Variants in NPR3 observed in about 807,000 individuals in gnomAD.
The protein encoded by NPR3 is natriuretic peptide receptor 3.
In NPR3, 34 loss-of-function variants were observed where a neutral mutation model predicts 54.5. That is an observed-to-expected ratio of 0.62 (90% CI 0.47 to 0.83). The LOEUF (loss-of-function observed/expected upper bound fraction) is 0.83. Among genes scored for constraint, NPR3 ranks in the 40% least tolerant of loss-of-function variants. NPR3 has a pLI of 0.00. For missense variants in NPR3, 674 were observed against 720.8 expected (o/e 0.94, Z 0.74); for synonymous variants, 289 against 297.1 (o/e 0.97, Z 0.28).
Position 32,712,379 on chromosome 5 carries a change from A to G in NPR3, c.603A>G (p.Ala201=), listed in dbSNP as rs536801135. ...GCCACCACCACTGGAGCCGCGCTGCACTGGTCTACAGCGACGACAAGCTGG... is the reference window on the plus strand; with the variant it reads ...GCCACCACCACTGGAGCCGCGCTGCGCTGGTCTACAGCGACGACAAGCTGG... ...LFRHHHWSRA[A]LVYSDDKLER... The change falls in exon 1 of 8, where the codon GCA becomes GCG. Residue 201 remains alanine (A), a synonymous_variant. Coordinates refer to ENST00000265074, the MANE Select transcript of NPR3 (RefSeq NM_001204375.2). 1.7e-5 allele frequency: 27 copies of G among 1,613,174 alleles called. No homozygotes were observed. Among genetic ancestry groups the G allele is most frequent in the Non-Finnish European group, 1.9e-5 (22 of 1,179,584 alleles).
intron 3 of NPR3, among the ~76,000 whole-genome samples, chr5:32,757,981 T>C (rs1740936670): frequency 6.6e-6 from 1 of 152,202 alleles, no homozygotes; most frequent in South Asian, 2.1e-4. Context: ...AGCTTTTTGA[T>C]GTGCTGCTGG....
intron 1 of NPR3, among the ~76,000 whole-genome samples, chr5:32,714,296 G>A (rs1738431638): frequency 6.6e-6 from 1 of 152,190 alleles, no homozygotes; most frequent in Admixed American, 6.5e-5. Flanking sequence ...CAAAACCAAG[G>A]GCATGTGTGA....
chr5:32,786,260 G>A lies in NPR3; in HGVS notation c.1541G>A (p.Arg514Lys). 6.4e-7 allele frequency: 1 copy of A among 1,551,604 alleles called. No individual in the cohort carries two copies. The highest frequency in any genetic ancestry group is 8.9e-7 in the Non-Finnish European group (1 of 1,129,176). ...AAGAAATACAGAATAACCATTGAGA[G>A]GCGAACCCAGCAAGAAGAAAGTAAC... ...FRKKYRITIE[R>K]RTQQEESNLG... The change falls in exon 8 of 8, where the codon AGG (arginine) becomes AAG (lysine). Residue 514 changes from arginine (R) to lysine (K), a missense_variant. Transcript: ENST00000265074.
chr5:32,707,912 T>C (rs186243448), upstream of NPR3, among the ~76,000 whole-genome samples: 581 of 151,386 alleles, frequency 3.8e-3, 3 homozygotes, highest in Non-Finnish European at 6.6e-3. Context: ...TTTCATTTCA[T>C]AGAGCTGGAA....
chr5:32,711,482 G>C lies in NPR3; in HGVS notation c.-295G>C. On this transcript the variant is annotated 5_prime_UTR_variant, in exon 1 of 8. Transcript: ENST00000265074. ...TAAGCAAAATAGTATATGTATAAAC[G>C]GAGGGCGAATATATACAAGTATATA... is the stretch of plus-strand genomic sequence containing the variant. 1.8e-6 allele frequency: 2 copies of C among 1,133,714 alleles called. No homozygotes were observed. The highest frequency in any genetic ancestry group is 2.2e-6 in the Non-Finnish European group (2 of 927,670). 70.2% of individuals were successfully genotyped at this position (1,133,714 alleles called of 1,614,324 possible).
At chr5:32,714,037 C>CACATCTACACTCCCA (rs1485109539) in intron 1 of NPR3, among the ~76,000 whole-genome samples, 2 of 152,258 alleles carry the variant, frequency 1.3e-5, no homozygotes, top group African/African-American at 2.4e-5. Context: ...TCCCAAGTCC[C>CACATCTACACTCCCA]AGTCGCCAGG....
At chr5:32,765,785 A>G (rs903667920) in intron 3 of NPR3, among the ~76,000 whole-genome samples, 2 of 152,198 alleles carry the variant, frequency 1.3e-5, no homozygotes, top group Admixed American at 6.5e-5. Flanking sequence ...TCTTTGGAGG[A>G]TACAGATGAC....
At chr5:32,735,845 A>G (rs1451626662) in intron 2 of NPR3, among the ~76,000 whole-genome samples, 2 of 152,214 alleles carry the variant, frequency 1.3e-5, no homozygotes, top group Non-Finnish European at 2.9e-5. Flanking sequence ...CAAAAGCAAG[A>G]AGTCGTAGTA....
chr5:32,757,317 C>T (rs1436960201), intron 3 of NPR3, among the ~76,000 whole-genome samples: 1 of 152,214 alleles, frequency 6.6e-6, no homozygotes. Flanking sequence ...AGAGGTCCTT[C>T]ACATCCCTTG....
At chr5:32,739,355 A>G (rs1724627492) in intron 3 of NPR3, among the ~76,000 whole-genome samples, 1 of 151,970 alleles carries the variant, frequency 6.6e-6, no homozygotes, top group African/African-American at 2.4e-5. Flanking sequence ...TCCATCACGT[A>G]TTTGACTAAG....
intron 2 of NPR3, among the ~76,000 whole-genome samples, chr5:32,732,938 A>G (rs1354404131): frequency 2.6e-5 from 4 of 151,988 alleles, no homozygotes; most frequent in Non-Finnish European, 5.9e-5. Context: ...TCTGCCTCCT[A>G]TGTTCAAGCA....
intron 3 of NPR3, 27 bp downstream of exon 3, chr5:32,739,057 C>T (rs752885895): frequency 2.4e-5 from 38 of 1,602,002 alleles, no homozygotes; most frequent in Non-Finnish European, 3.2e-5. Flanking sequence ...GAGCCTAGAC[C>T]TTTAGCATCC....
At chr5:32,695,140 C>T (rs955466349) in intron 1 of NPR3, among the ~76,000 whole-genome samples, 4 of 152,226 alleles carry the variant, frequency 2.6e-5, no homozygotes, top group African/African-American at 9.6e-5. Flanking sequence ...TCAATCTTCG[C>T]TATTGTGAAT....
chr5:32,773,619 A>G lies in NPR3; in HGVS notation c.1060-1089A>G, dbSNP rs185220628. Among the ~76,000 whole-genome samples, 300 of 152,198 alleles carry G rather than the reference A, an allele frequency of 2.0e-3. 2 individuals are homozygous for G. The highest frequency in any genetic ancestry group is 3.2e-3 in the Non-Finnish European group (218 of 68,012). On this transcript the variant is annotated intron_variant, in intron 3 of 7. Coordinates refer to ENST00000265074, the MANE Select transcript of NPR3 (RefSeq NM_001204375.2). ...AAACATCCCTTCATCTTCATAACTCAGTTCGACTTTTTTTCACTGCTGTTA... is the reference window on the plus strand; with the variant it reads ...AAACATCCCTTCATCTTCATAACTCGGTTCGACTTTTTTTCACTGCTGTTA...
At chr5:32,773,792 G>A (rs138656007) in intron 3 of NPR3, among the ~76,000 whole-genome samples, 9 of 152,254 alleles carry the variant, frequency 5.9e-5, no homozygotes, top group African/African-American at 1.9e-4. Context: ...GCTTCTATTT[G>A]TTGAGAAATT....
rs1383745599 is a variant in NPR3, at chr5:32,719,788, G to GT, written c.770-4897dup. 7.7e-3 allele frequency among the ~76,000 whole-genome samples: 478 copies of GT among 61,824 alleles called. 2 individuals are homozygous for GT. Among genetic ancestry groups the GT allele is most frequent in the Non-Finnish European group, 0.015 (332 of 21,488 alleles). The allele number at this position is 61,824 out of a possible 152,430, so 40.6% of individuals were successfully genotyped here. On this transcript the variant is annotated intron_variant, in intron 1 of 7. Coordinates refer to ENST00000265074, the MANE Select transcript of NPR3 (RefSeq NM_001204375.2). ...TCTATTTACCACCTATGTTGTTGTTGTTTTTTTTTTTTTGTAATTCATCTT... is the reference window on the plus strand; with the variant it reads ...TCTATTTACCACCTATGTTGTTGTTGTTTTTTTTTTTTTTGTAATTCATCTT...
At chr5:32,740,589 T>C (rs1472204041) in intron 3 of NPR3, among the ~76,000 whole-genome samples, 12 of 151,302 alleles carry the variant, frequency 7.9e-5, no homozygotes, top group Admixed American at 7.9e-4. Flanking sequence ...AATTTTCTAG[T>C]TGACATATTT....
upstream of NPR3, chr5:32,710,848 C>T (rs1738171506): frequency 8.1e-7 from 1 of 1,227,086 alleles, no homozygotes; most frequent in Non-Finnish European, 1.1e-6. Context: ...CATCCCTTTC[C>T]CCCAGTCCTG....
intron 3 of NPR3, among the ~76,000 whole-genome samples, chr5:32,744,724 T>G (rs530920044): frequency 1.3e-5 from 2 of 152,308 alleles, no homozygotes; most frequent in South Asian, 4.1e-4. Context: ...AGATTGTAAC[T>G]CAAACATCAC....
Sources: allele counts gnomAD v4.1 joint callset (sites outside exome capture counted in the v4.1 genomes callset), GRCh38; gene constraint gnomAD v4.1.1; transcripts MANE v1.5; gene names NCBI Gene and HGNC (gene_info 2026-07-23, HGNC 2026-07-21).